NRXN1: variants seen among roughly 807,000 people sequenced by gnomAD.
NRXN1 encodes the protein neurexin 1.
In NRXN1, 39 loss-of-function variants were observed where a neutral mutation model predicts 150.9. The observed-to-expected ratio is 0.26, with a 90% CI of 0.20 to 0.34. The LOEUF (loss-of-function observed/expected upper bound fraction) is 0.34. Ranked by LOEUF, NRXN1 falls within the 10% of genes least tolerant of loss-of-function variation. The pLI is 1.00. For synonymous variants in NRXN1, 924 were observed against 757.0 expected, an observed-to-expected ratio of 1.22 and a Z score of -3.62; for missense variants, 1,815 against 1,949.9, an observed-to-expected ratio of 0.93 and a Z score of 1.30.
At chr2:50,962,029 T>A (rs1693279396) in intron 2 of NRXN1, among the ~76,000 whole-genome samples, 1 of 151,760 alleles carries the variant, frequency 6.6e-6, no homozygotes, top group Non-Finnish European at 1.5e-5. Context: ...TCTCAAGCAT[T>A]TGCAGAATAA....
At chr2:50,829,131 A>ACTC (rs750038633) in intron 5 of NRXN1, among the ~76,000 whole-genome samples, 13,157 of 152,042 alleles carry the variant, frequency 0.087, 668 homozygotes, top group Admixed American at 0.088. Flanking sequence ...CGGCAGGCTG[A>ACTC]GGCAGGAGAC....
chr2:50,731,548 C>T (rs1431804030), intron 5 of NRXN1, among the ~76,000 whole-genome samples: 2 of 152,056 alleles, frequency 1.3e-5, no homozygotes, highest in African/African-American at 2.4e-5. Context: ...ACCAAAAGCA[C>T]CAATGATCTA....
chr2:50,561,554 T>C (rs1439729727), intron 8 of NRXN1, among the ~76,000 whole-genome samples: 1 of 152,140 alleles, frequency 6.6e-6, no homozygotes, highest in East Asian at 1.9e-4. Flanking sequence ...TCTTTCAATT[T>C]TGTGTTAAAA....
rs577800320 is a variant in NRXN1, at chr2:50,230,191, G to GA, written c.3546+6597dup. ...CCAACCCTGAAAACACTCACTATTT[G>GA]AAAAAACTGTTCAATGACTGAGTCA... is the stretch of plus-strand genomic sequence containing the variant. On this transcript the variant is annotated intron_variant, in intron 18 of 22. Coordinates refer to ENST00000401669, the MANE Select transcript of NRXN1 (RefSeq NM_001330078.2). 1.2e-4 allele frequency among the ~76,000 whole-genome samples: 19 copies of GA among 152,080 alleles called. No individual in the cohort carries two copies. In the South Asian group the frequency reaches 3.3e-3, roughly 27 times the overall value.
At chr2:50,885,514 A>G (rs1680099570) in intron 5 of NRXN1, among the ~76,000 whole-genome samples, 1 of 151,368 alleles carries the variant, frequency 6.6e-6, no homozygotes, top group Non-Finnish European at 1.5e-5. Flanking sequence ...TCAAAGTGCT[A>G]TGATATCCCC....
intron 17 of NRXN1, among the ~76,000 whole-genome samples, chr2:50,459,797 G>A (rs566663088): frequency 2.6e-5 from 4 of 152,044 alleles, no homozygotes; most frequent in Admixed American, 6.6e-5. Flanking sequence ...TTGTTCACAC[G>A]GGCTTTTGGT....
At chr2:50,230,730 A>G (rs2064861202) in intron 18 of NRXN1, among the ~76,000 whole-genome samples, 1 of 152,120 alleles carries the variant, frequency 6.6e-6, no homozygotes, top group Admixed American at 6.6e-5. Flanking sequence ...ATGACACACT[A>G]AAGATGATGA....
At chr2:50,979,793 T>C (rs1480227185) in intron 2 of NRXN1, among the ~76,000 whole-genome samples, 1 of 152,092 alleles carries the variant, frequency 6.6e-6, no homozygotes, top group Admixed American at 6.6e-5. Flanking sequence ...TTCAATATAT[T>C]CATTTATATT....
intron 5 of NRXN1, among the ~76,000 whole-genome samples, chr2:50,887,503 C>G (rs1680430586): frequency 6.6e-6 from 1 of 151,310 alleles, no homozygotes; most frequent in African/African-American, 2.4e-5. Context: ...GTTGGAAACG[C>G]AAGAAGCTTT....
Position 50,362,231 on chromosome 2 carries a change from T to G in NRXN1, c.3364+103211A>C, listed in dbSNP as rs560032457. ...CTATCACCACTCCTATTCAACATAT[T>G]ATTGGAAGTTCTGGCCAGAAAAATC... On this transcript the variant is annotated intron_variant, in intron 17 of 22. Coordinates refer to ENST00000401669, the MANE Select transcript of NRXN1 (RefSeq NM_001330078.2). 1.1e-4 allele frequency among the ~76,000 whole-genome samples: 17 copies of G among 152,232 alleles called. No homozygotes were observed. In the South Asian group the frequency reaches 3.5e-3, roughly 32 times the overall value.
chr2:50,802,070 A>T (rs1349241194), intron 5 of NRXN1, among the ~76,000 whole-genome samples: 1 of 152,186 alleles, frequency 6.6e-6, no homozygotes, highest in African/African-American at 2.4e-5. Flanking sequence ...CCAACAAAAG[A>T]AAATAATATA....
chr2:51,031,035 C>A (rs976565559), intron 1 of NRXN1, among the ~76,000 whole-genome samples: 1 of 151,914 alleles, frequency 6.6e-6, no homozygotes, highest in African/African-American at 2.4e-5. Context: ...AGAGAAAAAC[C>A]GTAGAGCAAT....
chr2:49,930,081 A>G (rs1429125875), intron 22 of NRXN1, among the ~76,000 whole-genome samples: 1 of 152,236 alleles, frequency 6.6e-6, no homozygotes, highest in Non-Finnish European at 1.5e-5. Context: ...TACGAAAAAC[A>G]TGTCGAATGA....
intron 15 of NRXN1, among the ~76,000 whole-genome samples, chr2:50,490,073 G>T (rs565702402): frequency 6.6e-6 from 1 of 152,284 alleles, no homozygotes; most frequent in African/African-American, 2.4e-5. Context: ...TCAAGTAACT[G>T]CTCTAAAATT....
chr2:50,552,476 A>G, intron 9 of NRXN1, 111 bp downstream of exon 9: 1 of 790,840 alleles, frequency 1.3e-6, no homozygotes. Context: ...TTTTAGGCTA[A>G]AGAAACAAAT....
intron 18 of NRXN1, among the ~76,000 whole-genome samples, chr2:50,094,484 T>G (rs1295351443): frequency 6.6e-6 from 1 of 152,170 alleles, no homozygotes; most frequent in Non-Finnish European, 1.5e-5. Context: ...ATTTGATATG[T>G]GTCTTCTGGG....
chr2:50,698,168 T>G (rs1462679760), intron 5 of NRXN1, among the ~76,000 whole-genome samples: 2 of 152,246 alleles, frequency 1.3e-5, no homozygotes, highest in Admixed American at 6.5e-5. Context: ...CGTACAGCAG[T>G]GCTGGCACTT....
intron 2 of NRXN1, chr2:51,009,194 C>G (rs1296971400): frequency 6.6e-6 from 1 of 151,854 alleles, no homozygotes; most frequent in African/African-American, 2.4e-5. Flanking sequence ...AAGATTCAAG[C>G]CTTTCATCTC....
At chr2:49,960,831 A>T (rs546066694) in intron 21 of NRXN1, among the ~76,000 whole-genome samples, 1 of 152,184 alleles carries the variant, frequency 6.6e-6, no homozygotes, top group Non-Finnish European at 1.5e-5. Context: ...CTGCACACTG[A>T]ACTCATGCTT....
Sources: gnomAD v4.1 joint callset for allele counts (sites outside exome capture counted in the v4.1 genomes callset) on GRCh38, gnomAD v4.1.1 for gene constraint, MANE v1.5 for transcripts, NCBI Gene and HGNC (gene_info 2026-07-23, HGNC 2026-07-21) for gene names.